CUL2: variants seen among roughly 807,000 people sequenced by gnomAD.
CUL2 encodes cullin 2, also known as cullin-2.
In CUL2, 22 loss-of-function variants were observed where a neutral mutation model predicts 110.2. The ratio of observed to expected loss-of-function variants is 0.20; its 90% CI spans 0.14 to 0.28. The LOEUF (loss-of-function observed/expected upper bound fraction) is 0.28, where lower values mean the gene tolerates loss of function less well. CUL2 is among the 10% of genes least tolerant of loss of function. CUL2 has a pLI of 1.00. For synonymous variants in CUL2, 279 were observed against 293.2 expected, an observed-to-expected ratio of 0.95 and a Z score of 0.49; for missense variants, 631 against 905.5, an observed-to-expected ratio of 0.70 and a Z score of 3.89.
rs568052669 is a variant in CUL2, at chr10:35,114,165, G to A, written c.-51+12440C>T. Among the ~76,000 whole-genome samples the A allele has an allele frequency of 2.4e-4, 37 of 151,156 alleles. 1 individual carries two copies. The East Asian group carries it at 4.5e-3, about 18-fold the overall frequency. On this transcript the variant is annotated intron_variant, in intron 1 of 5. Transcript: ENST00000685421. ...TCTCGATCTCCTGACCTCGTGATCC[G>A]CCTGCCTCGGCCTCCCAAAGTGCTG... is the stretch of plus-strand genomic sequence containing the variant.
intron 6 of CUL2, among the ~76,000 whole-genome samples, chr10:35,046,507 C>A (rs867817570): frequency 7.2e-5 from 11 of 152,142 alleles, no homozygotes; most frequent in Admixed American, 4.6e-4. Context: ...TGAGGTAGGC[C>A]TCTCTAGTTT....
intron 10 of CUL2, among the ~76,000 whole-genome samples, chr10:35,034,214 T>C: frequency 6.6e-6 from 1 of 152,226 alleles, no homozygotes; most frequent in Non-Finnish European, 1.5e-5. Flanking sequence ...CAAAATTCGA[T>C]GCTTCTATGC....
chr10:35,076,055 T>C (rs2086810299), intron 1 of CUL2, among the ~76,000 whole-genome samples: 1 of 152,124 alleles, frequency 6.6e-6, no homozygotes, highest in South Asian at 2.1e-4. Context: ...ATGGTTAAAA[T>C]GCAATATAGC....
intron 1 of CUL2, among the ~76,000 whole-genome samples, chr10:35,114,083 T>G (rs1344583072): frequency 5.1e-5 from 5 of 98,734 alleles, no homozygotes; most frequent in Admixed American, 1.1e-4. Flanking sequence ...AATTTTTGGG[T>G]TTTTTTTTTT....
At chr10:35,080,137 C>G (rs1208903943) in intron 1 of CUL2, among the ~76,000 whole-genome samples, 1 of 152,168 alleles carries the variant, frequency 6.6e-6, no homozygotes, top group Non-Finnish European at 1.5e-5. Context: ...AAGTGGAATA[C>G]CATATTAACT....
intron 1 of CUL2, among the ~76,000 whole-genome samples, chr10:35,123,051 T>C (rs1299806062): frequency 3.9e-5 from 6 of 152,152 alleles, no homozygotes; most frequent in Non-Finnish European, 8.8e-5. Context: ...GGTGGGAGGA[T>C]TGCTTGAGCC....
intron 16 of CUL2, among the ~76,000 whole-genome samples, chr10:35,025,821 A>G (rs1475554603): frequency 6.6e-6 from 1 of 152,250 alleles, no homozygotes; most frequent in Non-Finnish European, 1.5e-5. Context: ...TAAAAAGTGG[A>G]AAAATGATAC....
intron 1 of CUL2, among the ~76,000 whole-genome samples, chr10:35,078,076 C>A (rs2086864959): frequency 1.3e-5 from 2 of 152,142 alleles, no homozygotes; most frequent in Admixed American, 1.3e-4. Flanking sequence ...GGAGAAAGCA[C>A]ATCATCTCTA....
chr10:35,054,297 C>T, intron 5 of CUL2, 137 bp downstream of exon 5: 1 of 546,076 alleles, frequency 1.8e-6, no homozygotes, highest in East Asian at 3.4e-5. Context: ...ATCACTATAG[C>T]ATTTTATTTA....
At chr10:35,061,221 T>A (rs1290330171) in intron 3 of CUL2, among the ~76,000 whole-genome samples, 1 of 151,924 alleles carries the variant, frequency 6.6e-6, no homozygotes, top group African/African-American at 2.4e-5. Flanking sequence ...CGCCTGTAAT[T>A]CCAGCACTTT....
chr10:35,076,640 T>C lies in CUL2; in HGVS notation c.-22-5301A>G, dbSNP rs1002883941. Among the ~76,000 whole-genome samples the C allele has an allele frequency of 3.9e-5, 6 of 152,220 alleles. No individual in the cohort carries two copies. The South Asian group carries it at 1.2e-3, about 31-fold the overall frequency. The stretch of plus-strand genomic sequence containing the variant: ...GTTATATGTTCCTGGGTGTATTTTA[T>C]ACATATATGTGATTTGTTACTCCCT... On this transcript the variant is annotated intron_variant, in intron 1 of 20. Transcript: ENST00000374749.
At chr10:35,013,916 C>T in intron 18 of CUL2, 116 bp from the exon 19 acceptor site, 2 of 646,434 alleles carry the variant, frequency 3.1e-6, no homozygotes, top group Non-Finnish European at 4.5e-6. Context: ...ACTCTCATAA[C>T]TTTTATATTA....
chr10:35,123,847 G>A (rs1236644662), intron 1 of CUL2, among the ~76,000 whole-genome samples: 1 of 152,056 alleles, frequency 6.6e-6, no homozygotes, highest in Non-Finnish European at 1.5e-5. Context: ...GGAAGCTTTG[G>A]GTATAAATTT....
At chr10:35,071,074 T>C (rs1034043428) in intron 2 of CUL2, 125 bp downstream of exon 2, 67 of 879,342 alleles carry the variant, frequency 7.6e-5, no homozygotes, top group Non-Finnish European at 1.0e-4. Context: ...AACTTGGAAA[T>C]GTAGATGATA....
intron 5 of CUL2, among the ~76,000 whole-genome samples, chr10:35,051,603 T>C (rs2086113955): frequency 6.6e-6 from 1 of 152,156 alleles, no homozygotes; most frequent in Non-Finnish European, 1.5e-5. Flanking sequence ...ACAGCAAGAC[T>C]CCGTCTCAAA....
At chr10:35,105,571 G>A (rs545969281) in intron 1 of CUL2, among the ~76,000 whole-genome samples, 157 of 151,862 alleles carry the variant, frequency 1.0e-3, no homozygotes, top group African/African-American at 3.7e-3. Context: ...TGCCGGGTGT[G>A]GTGGCGGGCG....
Position 35,010,035 on chromosome 10 carries a change from G to A in CUL2, c.*276C>T. The A allele has an allele frequency of 5.4e-6, 1 of 184,128 alleles. No homozygotes were observed. Among genetic ancestry groups the A allele is most frequent in the Non-Finnish European group, 1.1e-5 (1 of 91,690 alleles). 11.4% of individuals were successfully genotyped at this position (184,128 alleles called of 1,614,324 possible). A position where few individuals can be genotyped will look rare whatever the true frequency, so the allele number is the denominator to read the frequency against. On this transcript the variant is annotated 3_prime_UTR_variant, in exon 21 of 21. Transcript: ENST00000374749. Reference sequence around the variant, plus strand: ...ACATCAACTGCAAACGTGAAGGGGAGAAAAAGCATGGTACCCAACCGAATT... The same window carrying A: ...ACATCAACTGCAAACGTGAAGGGGAAAAAAAGCATGGTACCCAACCGAATT...
At chr10:35,093,375 G>A (rs2087243259), upstream of CUL2, among the ~76,000 whole-genome samples, 1 of 151,976 alleles carries the variant, frequency 6.6e-6, no homozygotes, top group Non-Finnish European at 1.5e-5. Context: ...TTACTTGAAA[G>A]AACAATTGAC....
In CUL2 at chr10:35,033,332, A is replaced by G. The variant is rs2085525877; in HGVS notation, c.1003-59T>C. 8.7e-6 allele frequency: 10 copies of G among 1,154,050 alleles called. No individual in the cohort carries two copies. The East Asian group carries it at 9.6e-5, about 11-fold the overall frequency. The allele number at this position is 1,154,050 out of a possible 1,614,324, so 71.5% of individuals were successfully genotyped here. On this transcript the variant is annotated intron_variant, in intron 10 of 20. Transcript: ENST00000374749. ...TAAGAGGTTCAAGGATATCCAAACT[A>G]TGAGGTTTATTAGACTTATTAGTAA...
Sources: gnomAD v4.1 joint callset for allele counts (sites outside exome capture counted in the v4.1 genomes callset) on GRCh38, gnomAD v4.1.1 for gene constraint, MANE v1.5 for transcripts, NCBI Gene and HGNC (gene_info 2026-07-23, HGNC 2026-07-21) for gene names.